TESK2: variants seen among roughly 807,000 people sequenced by gnomAD.
TESK2 encodes the protein testis associated actin remodelling kinase 2.
In TESK2, 39 loss-of-function variants were observed where a neutral mutation model predicts 57.1. That is an observed-to-expected ratio of 0.68 (90% CI 0.53 to 0.89). The LOEUF is 0.89. Ranked by LOEUF, TESK2 falls within the 40% of genes least tolerant of loss-of-function variation. The pLI, the probability that TESK2 is intolerant of heterozygous loss-of-function variation, is 0.00. For synonymous variants in TESK2, 249 were observed against 267.9 expected, an observed-to-expected ratio of 0.93 and a Z score of 0.69; for missense variants, 646 against 732.1, an observed-to-expected ratio of 0.88 and a Z score of 1.36.
chr1:45,425,622 T>A (rs1296300470), intron 2 of TESK2, among the ~76,000 whole-genome samples: 1 of 151,842 alleles, frequency 6.6e-6, no homozygotes, highest in Non-Finnish European at 1.5e-5. Context: ...GCCACTATAC[T>A]CCAGCCTGGG....
intron 3 of TESK2, among the ~76,000 whole-genome samples, chr1:45,387,394 CTGA>C (rs768410135): frequency 6.6e-6 from 1 of 151,964 alleles, no homozygotes; most frequent in East Asian, 1.9e-4. Context: ...ATGAGTATGA[CTGA>C]TGATGATCAT....
intron 4 of TESK2, among the ~76,000 whole-genome samples, chr1:45,379,655 G>A (rs79731013): frequency 0.018 from 2,765 of 152,302 alleles, 88 homozygotes; most frequent in African/African-American, 0.064. Context: ...GAAAGAAGAT[G>A]TATGGTTGGG....
chr1:45,475,725 A>C (rs1462051290), intron 1 of TESK2, among the ~76,000 whole-genome samples: 1 of 152,058 alleles, frequency 6.6e-6, no homozygotes, highest in Non-Finnish European at 1.5e-5. Flanking sequence ...TGGACGAGGA[A>C]GACCCACCCT....
chr1:45,421,683 T>G, intron 3 of TESK2, 42 bp downstream of exon 3: 1 of 1,611,728 alleles, frequency 6.2e-7, no homozygotes, highest in Non-Finnish European at 8.5e-7. Context: ...GCCTCCAATG[T>G]TTCAGTTTTC....
chr1:45,427,791 G>A (rs994197667), intron 2 of TESK2, among the ~76,000 whole-genome samples: 6 of 152,034 alleles, frequency 3.9e-5, no homozygotes, highest in African/African-American at 1.5e-4. Flanking sequence ...GGGGGAGTGG[G>A]GGCAGTTAAT....
At chr1:45,444,889 C>T (rs1651587583) in intron 2 of TESK2, among the ~76,000 whole-genome samples, 1 of 151,970 alleles carries the variant, frequency 6.6e-6, no homozygotes, top group Non-Finnish European at 1.5e-5. Context: ...CCCCTGCTTG[C>T]TTGGGGATGA....
chr1:45,483,835 A>C (rs1437606073), intron 1 of TESK2, among the ~76,000 whole-genome samples: 1 of 142,840 alleles, frequency 7.0e-6, no homozygotes, highest in Non-Finnish European at 1.5e-5. Flanking sequence ...CTGTCTCTAC[A>C]AAAAAAAAAA....
chr1:45,436,055 A>G (rs1651195573), intron 2 of TESK2, among the ~76,000 whole-genome samples: 1 of 151,842 alleles, frequency 6.6e-6, no homozygotes, highest in Non-Finnish European at 1.5e-5. Context: ...GAAGTCAGGT[A>G]GTATGATGCC....
intron 1 of TESK2, among the ~76,000 whole-genome samples, chr1:45,464,280 G>T (rs963095755): frequency 5.3e-5 from 8 of 151,928 alleles, no homozygotes; most frequent in African/African-American, 1.9e-4. Context: ...ACAAAAATTA[G>T]CCAGGCATGG....
At chr1:45,449,231 A>G (rs1224655783) in intron 2 of TESK2, among the ~76,000 whole-genome samples, 1 of 151,866 alleles carries the variant, frequency 6.6e-6, no homozygotes, top group East Asian at 1.9e-4. Flanking sequence ...CAAAAAAAAA[A>G]AAAAGAAAAA....
chr1:45,374,216 A>C (rs1202217804), intron 4 of TESK2, among the ~76,000 whole-genome samples: 1 of 152,236 alleles, frequency 6.6e-6, no homozygotes, highest in African/African-American at 2.4e-5. Flanking sequence ...TTAAAAGCTC[A>C]AGTGTTGGGA....
chr1:45,392,226 C>T (rs1489005902), intron 3 of TESK2, among the ~76,000 whole-genome samples: 1 of 152,146 alleles, frequency 6.6e-6, no homozygotes, highest in Non-Finnish European at 1.5e-5. Context: ...GCTGAGATTA[C>T]AGGCACCTGC....
intron 4 of TESK2, among the ~76,000 whole-genome samples, chr1:45,356,131 C>G (rs2149265350): frequency 1.3e-5 from 2 of 151,718 alleles, no homozygotes; most frequent in Middle Eastern, 6.8e-3. Flanking sequence ...CTGGTGAGAG[C>G]AGGGCATCTG....
At chr1:45,488,008 G>A (rs763397466) in intron 1 of TESK2, among the ~76,000 whole-genome samples, 23 of 150,840 alleles carry the variant, frequency 1.5e-4, no homozygotes, top group Non-Finnish European at 3.1e-4. Context: ...TCAGCCTCCC[G>A]GTTCAAGCAA....
chr1:45,404,186 C>A (rs985574296), intron 3 of TESK2, among the ~76,000 whole-genome samples: 34 of 152,306 alleles, frequency 2.2e-4, no homozygotes, highest in African/African-American at 7.7e-4. Flanking sequence ...TGATTTATTT[C>A]TTCTCCCTCT....
At chr1:45,389,000 G>A in intron 3 of TESK2, among the ~76,000 whole-genome samples, 1 of 152,088 alleles carries the variant, frequency 6.6e-6, no homozygotes, top group East Asian at 1.9e-4. Context: ...GATTACAGGC[G>A]TGAGCCACCG....
At chr1:45,352,667 C>A (rs1442192236) in intron 5 of TESK2, among the ~76,000 whole-genome samples, 1 of 152,158 alleles carries the variant, frequency 6.6e-6, no homozygotes, top group Admixed American at 6.5e-5. Flanking sequence ...CTGTACATAC[C>A]TCTAGGTCAG....
intron 1 of TESK2, among the ~76,000 whole-genome samples, chr1:45,471,956 T>C (rs1262813378): frequency 1.3e-5 from 2 of 151,990 alleles, no homozygotes; most frequent in African/African-American, 4.8e-5. Context: ...GTGACATTTT[T>C]AAAAAGGTGT....
intron 2 of TESK2, among the ~76,000 whole-genome samples, chr1:45,444,430 T>G (rs1268035927): frequency 6.6e-6 from 1 of 152,206 alleles, no homozygotes; most frequent in African/African-American, 2.4e-5. Flanking sequence ...TTTAACTAGC[T>G]TTCTTCTATT....
Sources: gnomAD v4.1 joint callset for allele counts (sites outside exome capture counted in the v4.1 genomes callset) on GRCh38, gnomAD v4.1.1 for gene constraint, MANE v1.5 for transcripts, NCBI Gene and HGNC (gene_info 2026-07-23, HGNC 2026-07-21) for gene names.